Variants in EML1 observed in about 807,000 individuals in gnomAD.
EML1 encodes the protein EMAP like 1.
A neutral mutation model predicts 110.4 loss-of-function variants in EML1; 27 were observed. The ratio of observed to expected loss-of-function variants is 0.24; its 90% CI spans 0.18 to 0.34. The LOEUF (loss-of-function observed/expected upper bound fraction) is 0.34, where lower values mean the gene tolerates loss of function less well. Among genes scored for constraint, EML1 ranks in the 10% least tolerant of loss-of-function variants. The probability of loss-of-function intolerance (pLI) is 1.00; values close to 1 mark genes in which losing one functional copy is unlikely to be tolerated. For missense variants in EML1, 741 were observed against 1,030.9 expected, an observed-to-expected ratio of 0.72 and a Z score of 3.85; for synonymous variants, 344 against 385.8, an observed-to-expected ratio of 0.89 and a Z score of 1.27.
rs77730760 is a variant in EML1, at chr14:99,777,241, C to T, written c.-27+3228C>T. Among the ~76,000 whole-genome samples the T allele has an allele frequency of 5.3e-3, 795 of 150,024 alleles. 10 individuals carry two copies. The highest frequency in any genetic ancestry group is 0.019 in the African/African-American group (748 of 39,582). On this transcript the variant is annotated intron_variant, in intron 1 of 22. Coordinates refer to the EML1 transcript ENST00000327921. ...TTAAATTTATCAGTTACAGACTGCA[C>T]GTACTTAAAAAAAAAAATCAAGCAG...
chr14:99,903,572 A>ACACTAAGT (rs903223524), intron 9 of EML1, among the ~76,000 whole-genome samples: 11 of 152,288 alleles, frequency 7.2e-5, no homozygotes, highest in African/African-American at 2.6e-4. Context: ...TTAATAACAT[A>ACACTAAGT]CACTAAGTCA....
chr14:99,941,289 G>A lies in EML1; in HGVS notation c.*1177G>A, dbSNP rs2060584796. 6.6e-6 allele frequency: 1 copy of A among 152,206 alleles called. No homozygotes were observed. Among genetic ancestry groups the A allele is most frequent in the Non-Finnish European group, 1.5e-5 (1 of 68,040 alleles). The allele number at this position is 152,206 out of a possible 1,614,324, so 9.4% of individuals were successfully genotyped here. A position where few individuals can be genotyped will look rare whatever the true frequency, so the allele number is the denominator to read the frequency against. ...TTTTTAAATAGAAGAGTAATAAACA[G>A]ACTTTAAAGCAAATATTAAGATTTT... is the stretch of plus-strand genomic sequence containing the variant. On this transcript the variant is annotated 3_prime_UTR_variant, in exon 22 of 22. Coordinates refer to ENST00000262233, the MANE Select transcript of EML1 (RefSeq NM_004434.3).
chr14:99,781,476 T>C lies in EML1; in HGVS notation c.-27+7463T>C, dbSNP rs2057539227. 6.6e-6 allele frequency among the ~76,000 whole-genome samples: 1 copy of C among 152,196 alleles called. No homozygotes were observed. Among genetic ancestry groups the C allele is most frequent in the African/African-American group, 2.4e-5 (1 of 41,448 alleles). On this transcript the variant is annotated intron_variant, in intron 1 of 22. Transcript: ENST00000327921. The surrounding 1 kb of genome is among the most constrained non-coding windows in gnomAD (Gnocchi z 4.2). ...CTTCTTCTGCATCCGCAGTGTGGTC[T>C]GGCGGGCCAGTTCCCCACCCCACAG...
upstream of EML1, among the ~76,000 whole-genome samples, chr14:99,791,191 C>T (rs2057666543): frequency 6.6e-6 from 1 of 152,184 alleles, no homozygotes; most frequent in Non-Finnish European, 1.5e-5. Flanking sequence ...GTGCATGTAC[C>T]TGCCCTCTCC....
chr14:99,739,676 T>A (rs2057020222), intron 1 of EML1, among the ~76,000 whole-genome samples: 1 of 152,156 alleles, frequency 6.6e-6, no homozygotes, highest in South Asian at 2.1e-4. Context: ...GGTTTGAAGT[T>A]GAACTTGGCT....
At chr14:99,766,077 T>C (rs941895019) in intron 1 of EML1, among the ~76,000 whole-genome samples, 2 of 152,170 alleles carry the variant, frequency 1.3e-5, no homozygotes, top group African/African-American at 4.8e-5. Context: ...TTGTCGATTG[T>C]GAATGATGCT....
intron 1 of EML1, among the ~76,000 whole-genome samples, chr14:99,803,485 G>A (rs1446924459): frequency 6.6e-6 from 1 of 152,214 alleles, no homozygotes; most frequent in Admixed American, 6.5e-5. Flanking sequence ...TTCCAGACGA[G>A]GGACCTTATT....
chr14:99,787,880 A>G (rs1055351852), intron 1 of EML1, among the ~76,000 whole-genome samples: 5 of 152,156 alleles, frequency 3.3e-5, no homozygotes, highest in African/African-American at 1.2e-4. Flanking sequence ...CCCTCATTTT[A>G]ACTTGATTAC....
At chr14:99,763,634 C>CAATG (rs142028163) in intron 1 of EML1, among the ~76,000 whole-genome samples, 176 of 152,256 alleles carry the variant, frequency 1.2e-3, no homozygotes, top group African/African-American at 3.8e-3. Context: ...GACTCATGCC[C>CAATG]AATGAGCTTG....
chr14:99,921,787 T>C (rs1367915316), intron 17 of EML1, among the ~76,000 whole-genome samples: 3 of 152,230 alleles, frequency 2.0e-5, no homozygotes, highest in African/African-American at 7.2e-5. Flanking sequence ...ATTATAAATG[T>C]ACAGCTCATC....
At chr14:99,783,719 G>A (rs1170212177) in intron 1 of EML1, among the ~76,000 whole-genome samples, 3 of 152,168 alleles carry the variant, frequency 2.0e-5, no homozygotes, top group Non-Finnish European at 4.4e-5. Context: ...TCCTGACCTC[G>A]TGATCTGCCC....
At chr14:99,758,108 G>A (rs1203399683) in intron 1 of EML1, among the ~76,000 whole-genome samples, 1 of 152,208 alleles carries the variant, frequency 6.6e-6, no homozygotes, top group East Asian at 1.9e-4. Flanking sequence ...GGACCATAGA[G>A]AAAGAAAAGA....
Position 99,882,819 on chromosome 14 carries a change from A to G in EML1, c.518+4200A>G, listed in dbSNP as rs569905483. ...AACTGCCCATCTTTGGAGTCAACAA[A>G]CATGAAAAAAAAAAAACCCACCTCA... On this transcript the variant is annotated intron_variant, in intron 4 of 21. Coordinates refer to ENST00000262233, the MANE Select transcript of EML1 (RefSeq NM_004434.3). 2.3e-3 allele frequency among the ~76,000 whole-genome samples: 344 copies of G among 147,040 alleles called. 1 individual carries two copies. Among genetic ancestry groups the G allele is most frequent in the African/African-American group, 8.6e-3 (318 of 37,130 alleles).
chr14:99,926,276 T>A lies in EML1; in HGVS notation c.1909+5399T>A, dbSNP rs1476357822. Among the ~76,000 whole-genome samples the A allele has an allele frequency of 3.3e-5, 3 of 90,890 alleles. No homozygotes were observed. In the East Asian group the frequency reaches 9.3e-4, roughly 28 times the overall value. 59.6% of individuals were successfully genotyped at this position (90,890 alleles called of 152,430 possible). A position where few individuals can be genotyped will look rare whatever the true frequency, so the allele number is the denominator to read the frequency against. ...AGAACTGCCCTCTTATTTTTTGTGT[T>A]TTTTGGGGTTTTTTTTTTCTTTTTT... On this transcript the variant is annotated intron_variant, in intron 17 of 21. Transcript: ENST00000262233.
intron 9 of EML1, chr14:99,907,419 G>A (rs1595463948): frequency 3.6e-6 from 2 of 549,422 alleles, no homozygotes; most frequent in East Asian, 6.3e-5. Context: ...AGAGAGCAAT[G>A]ATTGCACCAC....
chr14:99,741,401 C>T (rs2057040945), intron 1 of EML1, among the ~76,000 whole-genome samples: 1 of 152,106 alleles, frequency 6.6e-6, no homozygotes, highest in Non-Finnish European at 1.5e-5. Flanking sequence ...CCCCCAATGC[C>T]CTGCAGCTTC....
intron 9 of EML1, among the ~76,000 whole-genome samples, chr14:99,902,021 A>G (rs2400814): frequency 0.56 from 84,772 of 151,982 alleles, 24,088 homozygotes; most frequent in African/African-American, 0.67. Context: ...CTGAATAGGG[A>G]TGATGATATT....
chr14:99,877,438 C>A (rs1307187825), intron 3 of EML1, among the ~76,000 whole-genome samples: 1 of 152,172 alleles, frequency 6.6e-6, no homozygotes, highest in African/African-American at 2.4e-5. Context: ...TACGAATCCC[C>A]TGTGTATAGG....
At chr14:99,785,726 T>C (rs1278880403) in intron 1 of EML1, among the ~76,000 whole-genome samples, 3 of 152,170 alleles carry the variant, frequency 2.0e-5, no homozygotes, top group Non-Finnish European at 4.4e-5. Context: ...CGTTCCCTGT[T>C]TTTCTGTGTT....
Sources: allele counts gnomAD v4.1 joint callset (sites outside exome capture counted in the v4.1 genomes callset), GRCh38; gene constraint gnomAD v4.1.1; non-coding constraint Gnocchi (gnomAD v3.1); transcripts MANE v1.5; gene names NCBI Gene and HGNC (gene_info 2026-07-23, HGNC 2026-07-21).